Variants in DHX8 observed in about 807,000 individuals in gnomAD.
DHX8 encodes DEAH-box helicase 8, also known as ATP-dependent RNA helicase DHX8.
A neutral mutation model predicts 140.7 loss-of-function variants in DHX8; 67 were observed. The observed-to-expected ratio is 0.48, with a 90% CI of 0.39 to 0.58. The LOEUF (loss-of-function observed/expected upper bound fraction) is 0.58. Ranked by LOEUF, DHX8 falls within the 20% of genes least tolerant of loss-of-function variation. The pLI is 0.00. For missense variants in DHX8, 887 were observed against 1,550.7 expected (o/e 0.57, Z 7.19); for synonymous variants, 533 against 553.2 (o/e 0.96, Z 0.51).
At chr17:43,532,998 G>A in intron 2 of DHX8, 8 of 1,524,382 alleles carry the variant, frequency 5.2e-6, no homozygotes, top group Non-Finnish European at 6.2e-6. Context: ...CCTTCCTCGA[G>A]CCTGTTACTC....
chr17:43,524,083 A>G lies in DHX8; in HGVS notation c.*236A>G. ...AGTCCTTGGGCCCAGTTGGGAGCTCATATCTAACACAGAGACACATTGCAT... is the reference window on the plus strand; with the variant it reads ...AGTCCTTGGGCCCAGTTGGGAGCTCGTATCTAACACAGAGACACATTGCAT... On this transcript the variant is annotated 3_prime_UTR_variant, in exon 23 of 23. Coordinates refer to ENST00000262415, the MANE Select transcript of DHX8 (RefSeq NM_004941.3). 6 of 1,380,886 alleles carry G rather than the reference A, an allele frequency of 4.3e-6. No individual in the cohort carries two copies. The East Asian group carries it at 1.4e-4, about 32-fold the overall frequency. 85.5% of individuals were successfully genotyped at this position (1,380,886 alleles called of 1,614,324 possible).
intron 12 of DHX8, among the ~76,000 whole-genome samples, chr17:43,505,864 G>A (rs902468186): frequency 6.6e-6 from 1 of 151,964 alleles, no homozygotes; most frequent in African/African-American, 2.4e-5. Context: ...TATCTTATAT[G>A]TATACAAGCA....
chr17:43,490,239 T>C, intron 2 of DHX8, 152 bp from the exon 3 acceptor site: 1 of 607,036 alleles, frequency 1.6e-6, no homozygotes, highest in Non-Finnish European at 2.9e-6. Flanking sequence ...AGGTTCATGC[T>C]ACACCAGGTT....
At chr17:43,526,423 G>A, downstream of DHX8, 1 of 1,530,168 alleles carries the variant, frequency 6.5e-7, no homozygotes, top group Non-Finnish European at 8.7e-7. Context: ...CTCCGCAGCT[G>A]GGTCAGGCTC....
downstream of DHX8, chr17:43,526,463 G>T: frequency 6.5e-7 from 1 of 1,535,226 alleles, no homozygotes; most frequent in Non-Finnish European, 8.7e-7. Context: ...ATCCCGCCTG[G>T]ACGTGATTTG....
Position 43,498,921 on chromosome 17 carries a change from A to G in DHX8, c.1360A>G (p.Lys454Glu). 1 of 1,589,718 alleles carries G rather than the reference A, an allele frequency of 6.3e-7. No homozygotes were observed. The highest frequency in any genetic ancestry group is 8.5e-7 in the Non-Finnish European group (1 of 1,172,574). The change falls in exon 10 of 23, where the codon AAG becomes GAG. Residue 454 changes from lysine to glutamate, a missense_variant. Transcript: ENST00000262415. The stretch of plus-strand genomic sequence containing the variant: ...GCCTCCATTCCTGAGAGGGCACACT[A>G]AGCAAAGCATGGACATGAGCCCCAT... The part of the protein sequence containing the change: ...EEPPFLRGHT[K>E]QSMDMSPIKI...
chr17:43,521,623 C>A (rs1411284240), intron 21 of DHX8, 58 bp downstream of exon 21: 3 of 1,513,742 alleles, frequency 2.0e-6, no homozygotes, highest in African/African-American at 2.7e-5. Context: ...AGTATCATGT[C>A]TTTTCATCTC....
intron 11 of DHX8, among the ~76,000 whole-genome samples, chr17:43,501,575 C>T (rs536704256): frequency 2.8e-4 from 43 of 152,314 alleles, no homozygotes; most frequent in African/African-American, 7.5e-4. Flanking sequence ...CCTCCACCTC[C>T]CTGGTTCAAG....
intron 17 of DHX8, among the ~76,000 whole-genome samples, chr17:43,515,759 G>T (rs188982677): frequency 6.6e-6 from 1 of 152,256 alleles, no homozygotes; most frequent in Admixed American, 6.5e-5. Context: ...TTTGGAGAGA[G>T]ACATGTGTAG....
chr17:43,496,722 G>A (rs1488051492), intron 9 of DHX8, among the ~76,000 whole-genome samples: 1 of 152,098 alleles, frequency 6.6e-6, no homozygotes, highest in Non-Finnish European at 1.5e-5. Flanking sequence ...GGAGGTTGCC[G>A]TGAGCCGAGA....
chr17:43,493,159 C>T (rs1968638595), intron 6 of DHX8, 119 bp downstream of exon 6: 1 of 1,372,278 alleles, frequency 7.3e-7, no homozygotes, highest in Non-Finnish European at 9.9e-7. Context: ...ATCAGCCATA[C>T]ATGGTTCTTA....
downstream of DHX8, chr17:43,525,763 CCTGG>C: frequency 1.0e-6 from 1 of 985,800 alleles, no homozygotes; most frequent in Non-Finnish European, 1.2e-6. Flanking sequence ...TGCCACCACA[CCTGG>C]CTCCCAGTCC....
chr17:43,509,488 T>A (rs575412725), intron 16 of DHX8, among the ~76,000 whole-genome samples: 3 of 151,476 alleles, frequency 2.0e-5, no homozygotes, highest in African/African-American at 4.8e-5. Flanking sequence ...CCACTTATTT[T>A]TTTTTTTTTT....
intron 2 of DHX8, 64 bp downstream of exon 2, chr17:43,489,598 T>C: frequency 3.1e-6 from 3 of 952,556 alleles, no homozygotes; most frequent in Non-Finnish European, 4.6e-6. Context: ...TGTTTGTTTG[T>C]TTTTTTTTTT....
At chr17:43,520,055 A>G in intron 18 of DHX8, 75 bp from the exon 19 acceptor site, 1 of 1,551,214 alleles carries the variant, frequency 6.4e-7, no homozygotes, top group Non-Finnish European at 8.8e-7. Flanking sequence ...AAATAAAGTA[A>G]CAAGTAGCTT....
intron 8 of DHX8, among the ~76,000 whole-genome samples, chr17:43,495,177 A>G (rs1036930775): frequency 7.9e-5 from 12 of 152,208 alleles, no homozygotes; most frequent in Non-Finnish European, 8.8e-5. Context: ...ATGCAGGGCT[A>G]GGGCTATAAA....
chr17:43,544,506 G>A (rs1971697794), downstream of DHX8: 1 of 158,332 alleles, frequency 6.3e-6, no homozygotes, highest in African/African-American at 2.4e-5. Flanking sequence ...TGGTGCTGGG[G>A]GTTGGGAAGA....
chr17:43,521,283 G>A (rs1970364006), intron 20 of DHX8, 86 bp from the exon 21 acceptor site: 2 of 1,132,730 alleles, frequency 1.8e-6, no homozygotes, highest in Non-Finnish European at 1.2e-6. Context: ...ACTTTTGATA[G>A]GGTCTTGTAG....
At chr17:43,495,830 C>T (rs148722712) in intron 8 of DHX8, among the ~76,000 whole-genome samples, 1 of 152,182 alleles carries the variant, frequency 6.6e-6, no homozygotes, top group African/African-American at 2.4e-5. Context: ...CTGGGCATGT[C>T]GCTGACACAT....
Sources: allele counts gnomAD v4.1 joint callset (sites outside exome capture counted in the v4.1 genomes callset), GRCh38; gene constraint gnomAD v4.1.1; transcripts MANE v1.5; gene names NCBI Gene and HGNC (gene_info 2026-07-23, HGNC 2026-07-21).